DLGAP1: variants seen among roughly 807,000 people sequenced by gnomAD.
The protein encoded by DLGAP1 is disks large-associated protein 1.
DLGAP1 carries 11 observed loss-of-function variants against 90.8 expected under a neutral mutation model. That is an observed-to-expected ratio of 0.12 (90% CI 0.08 to 0.20). DLGAP1 has a LOEUF of 0.20. DLGAP1 is among the 10% of genes least tolerant of loss of function. DLGAP1 has a pLI of 1.00. For missense variants in DLGAP1, 1,050 were observed against 1,333.8 expected (o/e 0.79, Z 3.31); for synonymous variants, 558 against 540.7 (o/e 1.03, Z -0.44).
chr18:4,300,704 C>T (rs898978262), intron 1 of DLGAP1, among the ~76,000 whole-genome samples: 2 of 152,114 alleles, frequency 1.3e-5, no homozygotes, highest in African/African-American at 4.8e-5. Flanking sequence ...TTTATGTGTA[C>T]ATGGTTATAC....
chr18:4,005,541 A>G (rs2074283154), intron 2 of DLGAP1, among the ~76,000 whole-genome samples: 1 of 152,152 alleles, frequency 6.6e-6, no homozygotes, highest in Non-Finnish European at 1.5e-5. Flanking sequence ...TTCTGTTGGC[A>G]TGTTGTGTGA....
In DLGAP1 at chr18:3,534,400, T is replaced by G. The variant is rs752804789; in HGVS notation, c.2273A>C (p.Asp758Ala). 6.2e-7 allele frequency: 1 copy of G among 1,614,052 alleles called. No individual in the cohort carries two copies. The highest frequency in any genetic ancestry group is 1.3e-5 in the African/African-American group (1 of 74,934). The change falls in exon 10 of 13, where the codon GAC becomes GCC. Residue 758 changes from aspartate to alanine, a missense_variant. Physicochemically the swap from Asp to Ala is moderately radical, Grantham distance 126. Transcript: ENST00000315677. Reference protein sequence around the residue: ...YHACAADDDFDTDFDPSILPP... With the variant: ...YHACAADDDFATDFDPSILPP... ...CAGAATAGAGGGGTCAAAATCCGTG[T>G]CAAAGTCATCATCGGCGGCACAGGC...
At chr18:4,114,747 T>A (rs2076033056) in intron 2 of DLGAP1, among the ~76,000 whole-genome samples, 2 of 152,140 alleles carry the variant, frequency 1.3e-5, no homozygotes, top group South Asian at 4.1e-4. Flanking sequence ...TTTATGTATG[T>A]CGTCTCATAT....
chr18:3,870,492 A>C (rs2070676483), intron 4 of DLGAP1, among the ~76,000 whole-genome samples: 1 of 152,098 alleles, frequency 6.6e-6, no homozygotes, highest in South Asian at 2.1e-4. Flanking sequence ...CCTGCACACT[A>C]TTCCTCTCAG....
At chr18:3,594,548 G>A (rs961430706) in intron 7 of DLGAP1, 3 of 152,172 alleles carry the variant, frequency 2.0e-5, no homozygotes, top group Admixed American at 1.3e-4. Context: ...AGTATGAAGA[G>A]TGGAAGTCAA....
intron 1 of DLGAP1, among the ~76,000 whole-genome samples, chr18:4,213,894 G>T (rs1003461989): frequency 2.6e-5 from 4 of 152,284 alleles, no homozygotes; most frequent in African/African-American, 9.6e-5. Context: ...CAGCGGTAAA[G>T]AAAGAGGACC....
intron 7 of DLGAP1, among the ~76,000 whole-genome samples, chr18:3,723,128 TTCCTGCAGAGACTA>T (rs2062035848): frequency 1.3e-5 from 2 of 152,156 alleles, no homozygotes; most frequent in Non-Finnish European, 2.9e-5. Flanking sequence ...GGCCAAAACA[TTCCTGCAGAGACTA>T]CTCTGCAGGA....
At chr18:4,141,802 TTC>T (rs1437620523) in intron 2 of DLGAP1, among the ~76,000 whole-genome samples, 4 of 151,946 alleles carry the variant, frequency 2.6e-5, no homozygotes, top group Admixed American at 6.6e-5. Context: ...ACTCCAGAAT[TTC>T]TGTTTGATTC....
intron 1 of DLGAP1, among the ~76,000 whole-genome samples, chr18:4,155,543 A>G (rs1054735054): frequency 6.6e-6 from 1 of 152,196 alleles, no homozygotes; most frequent in African/African-American, 2.4e-5. Context: ...CTGAATGTAA[A>G]GATGTGTATA....
chr18:3,685,780 A>G, intron 7 of DLGAP1, among the ~76,000 whole-genome samples: 1 of 152,140 alleles, frequency 6.6e-6, no homozygotes. Context: ...TTATAAGACA[A>G]GAATAAACCA....
rs1207108927 is a variant in DLGAP1, at chr18:4,342,491, T to C, written c.-267+112515A>G. ...AGAGCCATTTCTAACTTTGATCAAATGGCCTAATGTTACCTCATTGCCCAC... is the reference window on the plus strand; with the variant it reads ...AGAGCCATTTCTAACTTTGATCAAACGGCCTAATGTTACCTCATTGCCCAC... On this transcript the variant is annotated intron_variant, in intron 1 of 12. Coordinates refer to ENST00000315677, the MANE Select transcript of DLGAP1 (RefSeq NM_004746.4). This position sits in a 1 kb window ranked among gnomAD's most constrained non-coding sequence, Gnocchi z 5.8. Among the ~76,000 whole-genome samples, 1 of 152,158 alleles carries C rather than the reference T, an allele frequency of 6.6e-6. No homozygotes were observed. Among genetic ancestry groups the C allele is most frequent in the Non-Finnish European group, 1.5e-5 (1 of 68,034 alleles).
At chr18:3,507,927 G>C (rs1208534262) in intron 11 of DLGAP1, among the ~76,000 whole-genome samples, 2 of 152,138 alleles carry the variant, frequency 1.3e-5, no homozygotes, top group African/African-American at 4.8e-5. Context: ...AGTAGAGACA[G>C]GGTTTTGCCA....
Position 3,815,430 on chromosome 18 carries a change from C to T in DLGAP1, c.958-1157G>A, listed in dbSNP as rs2067057936. On this transcript the variant is annotated intron_variant, in intron 4 of 12. Coordinates refer to ENST00000315677, the MANE Select transcript of DLGAP1 (RefSeq NM_004746.4). ...GCACACCCGTGCACACACATACACA[C>T]AAATAACACCTCTTTGCAAGTTTCT... Among the ~76,000 whole-genome samples the T allele has an allele frequency of 3.3e-5, 5 of 152,210 alleles. No homozygotes were observed. The South Asian group carries it at 1.0e-3, about 32-fold the overall frequency.
intron 3 of DLGAP1, among the ~76,000 whole-genome samples, chr18:3,905,598 A>C (rs981311267): frequency 5.9e-5 from 9 of 152,234 alleles, no homozygotes; most frequent in Non-Finnish European, 1.0e-4. Flanking sequence ...TTTGCCTTTT[A>C]AAAGTTATTC....
intron 1 of DLGAP1, among the ~76,000 whole-genome samples, chr18:4,157,557 AG>A (rs2076777508): frequency 6.6e-6 from 1 of 152,222 alleles, no homozygotes; most frequent in Non-Finnish European, 1.5e-5. Flanking sequence ...GCAGCTTCAG[AG>A]GGAAGACCCC....
intron 3 of DLGAP1, among the ~76,000 whole-genome samples, chr18:3,888,554 T>TA (rs35335361): frequency 0.02 from 2,799 of 141,018 alleles, 76 homozygotes; most frequent in African/African-American, 0.06. Flanking sequence ...ATGGTATTGT[T>TA]AAAAAAAAAA....
intron 7 of DLGAP1, among the ~76,000 whole-genome samples, chr18:3,690,248 G>A (rs1002848915): frequency 3.3e-5 from 5 of 151,792 alleles, no homozygotes; most frequent in African/African-American, 9.7e-5. Context: ...CATGAAGCCC[G>A]GCTAATTTTT....
At chr18:4,154,208 G>A (rs1189292630) in intron 1 of DLGAP1, among the ~76,000 whole-genome samples, 1 of 150,524 alleles carries the variant, frequency 6.6e-6, no homozygotes, top group African/African-American at 2.5e-5. Context: ...GACTAGATGT[G>A]CACCACCACA....
chr18:3,512,065 CTTT>C (rs5822764), intron 10 of DLGAP1, among the ~76,000 whole-genome samples: 1 of 147,744 alleles, frequency 6.8e-6, no homozygotes, highest in Non-Finnish European at 1.5e-5. Context: ...TCTGGTCATG[CTTT>C]TTTTTTTTTT....
Sources: gnomAD v4.1 joint callset for allele counts (sites outside exome capture counted in the v4.1 genomes callset) on GRCh38, gnomAD v4.1.1 for gene constraint, Gnocchi (gnomAD v3.1) non-coding constraint, MANE v1.5 for transcripts, NCBI Gene and HGNC (gene_info 2026-07-23, HGNC 2026-07-21) for gene names.